Variants in ABTB2 observed in about 807,000 individuals in gnomAD.
ABTB2 encodes the protein ankyrin repeat and BTB/POZ domain-containing protein 2.
ABTB2 carries 56 observed loss-of-function variants against 104.1 expected under a neutral mutation model. That is an observed-to-expected ratio of 0.54 (90% confidence interval 0.43 to 0.67). ABTB2 has a LOEUF of 0.67. ABTB2 is among the 30% of genes least tolerant of loss of function. ABTB2 has a pLI of 0.00. For synonymous variants in ABTB2, 606 were observed against 608.2 expected (o/e 1.00, Z 0.05); for missense variants, 1,279 against 1,407.7 (o/e 0.91, Z 1.46).
chr11:34,296,804 G>A (rs1854627828), intron 1 of ABTB2, among the ~76,000 whole-genome samples: 1 of 152,200 alleles, frequency 6.6e-6, no homozygotes, highest in Non-Finnish European at 1.5e-5. Context: ...CAATAAGGAG[G>A]ATCCTGACTC....
intron 1 of ABTB2, among the ~76,000 whole-genome samples, chr11:34,219,765 C>T (rs546718695): frequency 2.0e-5 from 3 of 152,108 alleles, no homozygotes; most frequent in Non-Finnish European, 2.9e-5. Context: ...GAAGCTATAC[C>T]ATCTAGGTTT....
intron 1 of ABTB2, among the ~76,000 whole-genome samples, chr11:34,272,712 A>AAAAAAAAG (rs1854332435): frequency 6.7e-6 from 1 of 148,550 alleles, no homozygotes; most frequent in African/African-American, 2.5e-5. Flanking sequence ...GTCTCAAAAA[A>AAAAAAAAG]AAAAAAAAAA....
chr11:34,172,371 CAAAAAAAAAAA>C (rs1230787869), intron 4 of ABTB2, among the ~76,000 whole-genome samples: 2 of 61,694 alleles, frequency 3.2e-5, no homozygotes, highest in Non-Finnish European at 5.5e-5. Context: ...AACTCTGTCT[CAAAAAAAAAAA>C]AAAAAAAAAA....
intron 1 of ABTB2, among the ~76,000 whole-genome samples, chr11:34,323,541 T>C (rs1312650956): frequency 6.6e-6 from 1 of 152,212 alleles, no homozygotes; most frequent in Non-Finnish European, 1.5e-5. Flanking sequence ...CTTTGCACTA[T>C]CGGCTCGTTC....
chr11:34,156,431 C>G (rs1425157868), intron 14 of ABTB2, among the ~76,000 whole-genome samples: 1 of 152,180 alleles, frequency 6.6e-6, no homozygotes, highest in Non-Finnish European at 1.5e-5. Context: ...GCAGGGTTTC[C>G]TTCTGTCCTG....
intron 1 of ABTB2, among the ~76,000 whole-genome samples, chr11:34,249,391 G>T (rs551070181): frequency 6.6e-6 from 1 of 152,324 alleles, no homozygotes; most frequent in East Asian, 1.9e-4. Context: ...AATATCCAGA[G>T]CTGGCTGCAG....
chr11:34,235,063 G>T (rs867873058), intron 1 of ABTB2, among the ~76,000 whole-genome samples: 1 of 151,956 alleles, frequency 6.6e-6, no homozygotes, highest in Non-Finnish European at 1.5e-5. Flanking sequence ...GGGTTTCACC[G>T]TGTTAGCCAG....
At chr11:34,300,182 C>T (rs534159830) in intron 1 of ABTB2, among the ~76,000 whole-genome samples, 1 of 152,284 alleles carries the variant, frequency 6.6e-6, no homozygotes, top group South Asian at 2.1e-4. Flanking sequence ...AGCATGAATA[C>T]CCTCCATTAA....
At chr11:34,184,229 G>A (rs72910875) in intron 3 of ABTB2, among the ~76,000 whole-genome samples, 41,559 of 152,046 alleles carry the variant, frequency 0.27, 6,889 homozygotes, top group Non-Finnish European at 0.38. Context: ...TTGGCAAAGA[G>A]TTCTTTTCAG....
intron 3 of ABTB2, among the ~76,000 whole-genome samples, chr11:34,190,577 G>A (rs1171538429): frequency 6.6e-6 from 1 of 152,192 alleles, no homozygotes; most frequent in Non-Finnish European, 1.5e-5. Flanking sequence ...AGTAAGTCAA[G>A]CACTTAAGAC....
chr11:34,233,514 C>T (rs1181033307), intron 1 of ABTB2, among the ~76,000 whole-genome samples: 1 of 152,028 alleles, frequency 6.6e-6, no homozygotes, highest in African/African-American at 2.4e-5. Context: ...CCACACCCAG[C>T]TAAGTTTCTA....
intron 1 of ABTB2, among the ~76,000 whole-genome samples, chr11:34,352,158 A>G (rs2133129924): frequency 6.6e-6 from 1 of 152,234 alleles, no homozygotes; most frequent in Admixed American, 6.5e-5. Flanking sequence ...TAAATCCCAC[A>G]ACCAGAAGAG....
chr11:34,229,306 C>CG (rs766759068), intron 1 of ABTB2, among the ~76,000 whole-genome samples: 6 of 150,824 alleles, frequency 4.0e-5, no homozygotes, highest in Admixed American at 1.3e-4. Context: ...CACGATGAAA[C>CG]CCGTCTCTAC....
chr11:34,307,482 C>T (rs1448014081), intron 1 of ABTB2, among the ~76,000 whole-genome samples: 2 of 152,240 alleles, frequency 1.3e-5, no homozygotes, highest in Non-Finnish European at 2.9e-5. Flanking sequence ...TCTCCACCAT[C>T]CAGAATGCAG....
chr11:34,192,903 C>T (rs1182587453), intron 3 of ABTB2, among the ~76,000 whole-genome samples: 4 of 152,234 alleles, frequency 2.6e-5, no homozygotes, highest in Non-Finnish European at 5.9e-5. Context: ...TACTTGATGA[C>T]GCTGCCTTCC....
chr11:34,349,492 C>T lies in ABTB2; in HGVS notation c.883+7209G>A, dbSNP rs76526840. 4.5e-4 allele frequency among the ~76,000 whole-genome samples: 69 copies of T among 152,318 alleles called. No homozygotes were observed. In the East Asian group the frequency reaches 0.011, roughly 25 times the overall value. On this transcript the variant is annotated intron_variant, in intron 1 of 16. Coordinates refer to ENST00000435224, the MANE Select transcript of ABTB2 (RefSeq NM_145804.3). ...ATACCCATCTCCCTGAGATTTGGGT[C>T]GTGACCCTCCTTGCACCAGAGACTT...
intron 1 of ABTB2, among the ~76,000 whole-genome samples, chr11:34,241,038 CTT>C (rs1590227276): frequency 3.9e-5 from 6 of 152,204 alleles, no homozygotes; most frequent in Admixed American, 3.3e-4. Flanking sequence ...AAATGGGAGA[CTT>C]TTTAGTCAAG....
At chr11:34,164,854 T>C (rs1456362377) in intron 8 of ABTB2, 33 bp from the exon 9 acceptor site, 1 of 1,574,602 alleles carries the variant, frequency 6.4e-7, no homozygotes, top group Admixed American at 2.1e-5. Flanking sequence ...CGGAGGACAC[T>C]GAGACAGTAG....
chr11:34,356,920 G>T lies in ABTB2; in HGVS notation c.664C>A (p.Arg222Ser). 1.2e-6 allele frequency: 2 copies of T among 1,602,406 alleles called. No individual in the cohort carries two copies. The highest frequency in any genetic ancestry group is 8.5e-7 in the Non-Finnish European group (1 of 1,174,642). The change falls in exon 1 of 17, where the codon CGC (arginine) becomes AGC (serine). Residue 222 changes from arginine (R) to serine (S), a missense_variant. Arg to Ser is a moderately radical substitution (Grantham distance 110). Transcript: ENST00000435224. The surrounding 1 kb of genome is among the most constrained non-coding windows in gnomAD (Gnocchi z 4.6). ...RWMVDTRISV[R>S]IHEYAAISLT... is the part of the protein sequence containing the mutation. ...GAGATGGCTGCGTACTCGTGGATGC[G>T]CACGGAGATTCGGGTGTCCACCATC...
Sources: allele counts gnomAD v4.1 joint callset (sites outside exome capture counted in the v4.1 genomes callset), GRCh38; gene constraint gnomAD v4.1.1; non-coding constraint Gnocchi (gnomAD v3.1); transcripts MANE v1.5; gene names NCBI Gene and HGNC (gene_info 2026-07-23, HGNC 2026-07-21).